The following OSBPL1A variants were observed in gnomAD, a reference collection of about 807,000 sequenced individuals.
The protein encoded by OSBPL1A is oxysterol binding protein like 1A, also known as oxysterol-binding protein-related protein 1.
In OSBPL1A, 80 loss-of-function variants were observed where a neutral mutation model predicts 137.1. That is an observed-to-expected ratio of 0.58 (90% CI 0.49 to 0.70). The LOEUF (loss-of-function observed/expected upper bound fraction) is 0.70. Ranked by LOEUF, OSBPL1A falls within the 30% of genes least tolerant of loss-of-function variation. OSBPL1A has a pLI of 0.00. For synonymous variants in OSBPL1A, 365 were observed against 389.7 expected (o/e 0.94, Z 0.75); for missense variants, 970 against 1,129.4 (o/e 0.86, Z 2.02).
At chr18:24,380,494 TG>T (rs1473012164) in intron 1 of OSBPL1A, among the ~76,000 whole-genome samples, 3 of 152,210 alleles carry the variant, frequency 2.0e-5, no homozygotes, top group African/African-American at 7.2e-5. Context: ...CAGAAATACC[TG>T]TGAGCTCAGA....
chr18:24,228,352 A>G (rs1599528648), intron 16 of OSBPL1A, among the ~76,000 whole-genome samples: 2 of 149,688 alleles, frequency 1.3e-5, no homozygotes, highest in South Asian at 2.1e-4. Flanking sequence ...TCGCTATAAT[A>G]TAGTCAGGCT....
intron 2 of OSBPL1A, 116 bp from the exon 3 acceptor site, chr18:24,368,488 A>G (rs1199406070): frequency 2.7e-6 from 2 of 738,766 alleles, no homozygotes; most frequent in Admixed American, 4.7e-5. Flanking sequence ...ATTGCTGATA[A>G]GTGAGAGGCA....
intron 1 of OSBPL1A, among the ~76,000 whole-genome samples, chr18:24,395,451 T>C (rs1907667457): frequency 6.6e-6 from 1 of 151,642 alleles, no homozygotes; most frequent in Admixed American, 6.6e-5. Flanking sequence ...TACAGATGTA[T>C]CTCTGAGTAA....
At chr18:24,190,225 G>T (rs1211243914) in intron 18 of OSBPL1A, among the ~76,000 whole-genome samples, 1 of 151,770 alleles carries the variant, frequency 6.6e-6, no homozygotes, top group Admixed American at 6.6e-5. Context: ...TGGCTTTAAG[G>T]GAATCTACTT....
At chr18:24,332,450 T>C (rs2091098400) in intron 7 of OSBPL1A, among the ~76,000 whole-genome samples, 1 of 145,952 alleles carries the variant, frequency 6.9e-6, no homozygotes, top group African/African-American at 2.6e-5. Flanking sequence ...CTGTCTAATG[T>C]ACCTCAGTGG....
intron 4 of OSBPL1A, among the ~76,000 whole-genome samples, chr18:24,352,036 G>A (rs73394363): frequency 0.018 from 2,792 of 152,264 alleles, 88 homozygotes; most frequent in African/African-American, 0.064. Context: ...AGGCTGGCAC[G>A]GTGGCTCACA....
At chr18:24,303,490 G>A (rs1225298925) in intron 14 of OSBPL1A, 147 bp downstream of exon 14, 5 of 518,660 alleles carry the variant, frequency 9.6e-6, no homozygotes, top group Non-Finnish European at 1.4e-5. Flanking sequence ...ACTTTAAATT[G>A]CCCTTTTAAA....
chr18:24,173,815 C>T (rs1408617540), intron 21 of OSBPL1A, among the ~76,000 whole-genome samples: 2 of 152,168 alleles, frequency 1.3e-5, no homozygotes, highest in Non-Finnish European at 2.9e-5. Flanking sequence ...TAACCACCAC[C>T]AACACAATCA....
At chr18:24,193,345 G>A (rs1034793965) in intron 18 of OSBPL1A, among the ~76,000 whole-genome samples, 1 of 152,020 alleles carries the variant, frequency 6.6e-6, no homozygotes. Flanking sequence ...AAAATTAGCT[G>A]GGCATGGTGG....
intron 17 of OSBPL1A, among the ~76,000 whole-genome samples, chr18:24,202,468 G>GCT (rs1235704059): frequency 6.6e-6 from 1 of 152,198 alleles, no homozygotes; most frequent in Non-Finnish European, 1.5e-5. Flanking sequence ...CTACGTAGGA[G>GCT]CTCTTTGTGT....
At chr18:24,225,555 A>G (rs1190625527) in intron 16 of OSBPL1A, among the ~76,000 whole-genome samples, 1 of 152,244 alleles carries the variant, frequency 6.6e-6, no homozygotes, top group Non-Finnish European at 1.5e-5. Flanking sequence ...ACTTCCAAAA[A>G]AATTTTAATT....
In OSBPL1A at chr18:24,363,378, G is replaced by A. The variant is rs553841935; in HGVS notation, c.282+3514C>T. Among the ~76,000 whole-genome samples, 3 of 151,268 alleles carry A rather than the reference G, an allele frequency of 2.0e-5. No homozygotes were observed. The East Asian group carries it at 5.8e-4, about 29-fold the overall frequency. Reference sequence around the variant, plus strand: ...CTGCAGTTTCTAAGGCAGAAACACCGTATCTCTCTGACGAATCTCTCATAA... The same window carrying A: ...CTGCAGTTTCTAAGGCAGAAACACCATATCTCTCTGACGAATCTCTCATAA... On this transcript the variant is annotated intron_variant, in intron 4 of 27. Transcript: ENST00000319481.
chr18:24,248,218 A>G (rs1424508984), intron 15 of OSBPL1A, among the ~76,000 whole-genome samples: 1 of 152,238 alleles, frequency 6.6e-6, no homozygotes, highest in Non-Finnish European at 1.5e-5. Context: ...GAGAATAAGA[A>G]ACAGACAAAG....
intron 14 of OSBPL1A, among the ~76,000 whole-genome samples, chr18:24,299,631 T>G (rs1420875406): frequency 6.6e-6 from 1 of 152,186 alleles, no homozygotes; most frequent in Non-Finnish European, 1.5e-5. Context: ...AAGTCTACTG[T>G]TAATCATCAG....
intron 4 of OSBPL1A, among the ~76,000 whole-genome samples, chr18:24,355,226 A>G (rs1288558648): frequency 6.6e-6 from 1 of 151,840 alleles, no homozygotes; most frequent in East Asian, 1.9e-4. Flanking sequence ...TAGCATGCCC[A>G]CTTATTAAGG....
chr18:24,344,678 C>G (rs904518348), intron 4 of OSBPL1A, among the ~76,000 whole-genome samples: 4 of 152,088 alleles, frequency 2.6e-5, no homozygotes, highest in African/African-American at 9.7e-5. Context: ...GAGCAGAGGA[C>G]CTGGATGCCT....
intron 27 of OSBPL1A, 70 bp downstream of exon 27, chr18:24,164,995 C>T: frequency 6.7e-7 from 1 of 1,485,366 alleles, no homozygotes; most frequent in Non-Finnish European, 9.3e-7. Flanking sequence ...CAGTGTCTGG[C>T]ATCCCTGCCT....
At chr18:24,371,672 C>A (rs1377941488) in intron 2 of OSBPL1A, among the ~76,000 whole-genome samples, 2 of 152,172 alleles carry the variant, frequency 1.3e-5, no homozygotes, top group Non-Finnish European at 2.9e-5. Context: ...CTGCACCCCT[C>A]ACCCTCCCCA....
intron 14 of OSBPL1A, among the ~76,000 whole-genome samples, chr18:24,293,474 G>A (rs1381915121): frequency 6.6e-6 from 1 of 152,206 alleles, no homozygotes; most frequent in East Asian, 1.9e-4. Flanking sequence ...GGGCCAAGAA[G>A]CCCCAGGGCT....
Sources: allele counts gnomAD v4.1 joint callset (sites outside exome capture counted in the v4.1 genomes callset), GRCh38; gene constraint gnomAD v4.1.1; transcripts MANE v1.5; gene names NCBI Gene and HGNC (gene_info 2026-07-23, HGNC 2026-07-21).